PCDH9: variants seen among roughly 807,000 people sequenced by gnomAD.
The protein encoded by PCDH9 is protocadherin-9.
In PCDH9, 24 loss-of-function variants were observed where a neutral mutation model predicts 70.6. That is an observed-to-expected ratio of 0.34 (90% CI 0.25 to 0.48). The LOEUF is 0.48. Among genes scored for constraint, PCDH9 ranks in the 20% least tolerant of loss-of-function variants. The pLI is 0.99. For missense variants in PCDH9, 1,281 were observed against 1,503.6 expected, an observed-to-expected ratio of 0.85 and a Z score of 2.45; for synonymous variants, 562 against 558.5, an observed-to-expected ratio of 1.01 and a Z score of -0.09.
chr13:66,678,229 C>CT, intron 3 of PCDH9, among the ~76,000 whole-genome samples: 1 of 152,044 alleles, frequency 6.6e-6, no homozygotes, highest in Admixed American at 6.6e-5. Context: ...TCTTTTCATT[C>CT]TTTTCATTAG....
At chr13:66,817,279 T>C (rs1046371732) in intron 3 of PCDH9, among the ~76,000 whole-genome samples, 43 of 152,140 alleles carry the variant, frequency 2.8e-4, no homozygotes, top group African/African-American at 1.0e-3. Flanking sequence ...TGGAATTTTA[T>C]TAACTCCTTT....
chr13:67,086,274 A>G (rs2138198151), intron 2 of PCDH9, among the ~76,000 whole-genome samples: 1 of 152,330 alleles, frequency 6.6e-6, no homozygotes, highest in South Asian at 2.1e-4. Context: ...ATATAACATC[A>G]GTCTTCCAAC....
At chr13:66,979,803 G>C (rs1258059035) in intron 2 of PCDH9, among the ~76,000 whole-genome samples, 2 of 152,004 alleles carry the variant, frequency 1.3e-5, no homozygotes, top group Non-Finnish European at 2.9e-5. Flanking sequence ...TATAAGATTT[G>C]ACTATGTTGT....
At chr13:67,071,361 C>T (rs1023538855) in intron 2 of PCDH9, among the ~76,000 whole-genome samples, 1 of 152,090 alleles carries the variant, frequency 6.6e-6, no homozygotes, top group Non-Finnish European at 1.5e-5. Flanking sequence ...TAATTTTGGA[C>T]TCTGAAATTG....
chr13:66,667,169 C>A (rs1023652806), intron 3 of PCDH9, among the ~76,000 whole-genome samples: 1 of 151,980 alleles, frequency 6.6e-6, no homozygotes, highest in African/African-American at 2.4e-5. Flanking sequence ...TACAAAATGG[C>A]TGTGCCTGAT....
intron 3 of PCDH9, among the ~76,000 whole-genome samples, chr13:66,749,490 A>G (rs1402030444): frequency 6.6e-6 from 1 of 152,176 alleles, no homozygotes; most frequent in Non-Finnish European, 1.5e-5. Flanking sequence ...CTGAATTTGC[A>G]CAGGAGAAAA....
At chr13:66,984,775 C>A (rs142257940) in intron 2 of PCDH9, among the ~76,000 whole-genome samples, 411 of 152,132 alleles carry the variant, frequency 2.7e-3, no homozygotes, top group African/African-American at 9.1e-3. Flanking sequence ...TCTCTTTTAG[C>A]AAAATAATTT....
chr13:66,381,439 A>G (rs1286894830), intron 4 of PCDH9, among the ~76,000 whole-genome samples: 1 of 152,234 alleles, frequency 6.6e-6, no homozygotes, highest in Admixed American at 6.5e-5. Flanking sequence ...AGAGGTTACA[A>G]ATAATTCAAA....
chr13:66,355,522 C>A (rs1260759992), intron 4 of PCDH9, among the ~76,000 whole-genome samples: 2 of 152,044 alleles, frequency 1.3e-5, no homozygotes, highest in Non-Finnish European at 1.5e-5. Context: ...AAGCATAGGG[C>A]TGACATGCTG....
chr13:67,067,507 C>G (rs907589646), intron 2 of PCDH9, among the ~76,000 whole-genome samples: 1 of 152,086 alleles, frequency 6.6e-6, no homozygotes, highest in Non-Finnish European at 1.5e-5. Flanking sequence ...TGGATCACAG[C>G]TACCCTATCG....
chr13:67,066,523 C>T (rs1365192741), intron 2 of PCDH9, among the ~76,000 whole-genome samples: 1 of 152,104 alleles, frequency 6.6e-6, no homozygotes, highest in East Asian at 1.9e-4. Flanking sequence ...AGTGAGCCAC[C>T]GCACCCGGCC....
chr13:66,930,481 T>C (rs368051363), intron 2 of PCDH9, among the ~76,000 whole-genome samples: 1 of 152,154 alleles, frequency 6.6e-6, no homozygotes, highest in African/African-American at 2.4e-5. Flanking sequence ...CTTTGATCTA[T>C]AAATATAGGA....
intron 4 of PCDH9, among the ~76,000 whole-genome samples, chr13:66,582,273 A>C (rs1255530332): frequency 6.6e-6 from 1 of 152,138 alleles, no homozygotes; most frequent in Non-Finnish European, 1.5e-5. Flanking sequence ...GGATAAGGTA[A>C]AATGTTGTTA....
At chr13:66,313,383 T>G (rs980529087) in intron 4 of PCDH9, among the ~76,000 whole-genome samples, 1 of 152,244 alleles carries the variant, frequency 6.6e-6, no homozygotes. Flanking sequence ...CAATTTGCAT[T>G]GTTTCTCAGA....
At chr13:66,899,291 A>G (rs573043299) in intron 3 of PCDH9, among the ~76,000 whole-genome samples, 2 of 152,110 alleles carry the variant, frequency 1.3e-5, no homozygotes, top group South Asian at 2.1e-4. Flanking sequence ...TTAATCAACC[A>G]TCTGCATCCA....
intron 2 of PCDH9, chr13:67,219,083 A>G (rs1423042461): frequency 6.6e-6 from 1 of 152,080 alleles, no homozygotes; most frequent in East Asian, 1.9e-4. Context: ...ATTCTTGTCT[A>G]TCAGAGACAA....
chr13:66,689,397 C>T (rs532132248), intron 3 of PCDH9, among the ~76,000 whole-genome samples: 3 of 152,214 alleles, frequency 2.0e-5, no homozygotes, highest in Non-Finnish European at 4.4e-5. Context: ...GCGGTGGAAA[C>T]GGAACTGTTC....
chr13:67,076,116 C>A (rs983924123), intron 2 of PCDH9, among the ~76,000 whole-genome samples: 2 of 152,044 alleles, frequency 1.3e-5, no homozygotes, highest in Non-Finnish European at 2.9e-5. Flanking sequence ...GTATGATCAC[C>A]AAATAATAGT....
intron 3 of PCDH9, among the ~76,000 whole-genome samples, chr13:66,706,196 G>C (rs2078709211): frequency 6.6e-6 from 1 of 152,154 alleles, no homozygotes; most frequent in African/African-American, 2.4e-5. Context: ...TTAAAGCAAG[G>C]CCATAAAACT....
Sources: gnomAD v4.1 joint callset for allele counts (sites outside exome capture counted in the v4.1 genomes callset) on GRCh38, gnomAD v4.1.1 for gene constraint, MANE v1.5 for transcripts, NCBI Gene and HGNC (gene_info 2026-07-23, HGNC 2026-07-21) for gene names.